DNAJC1: variants seen among roughly 807,000 people sequenced by gnomAD.
DNAJC1 encodes the protein DnaJ heat shock protein family (Hsp40) member C1.
In DNAJC1, 58 loss-of-function variants were observed where a neutral mutation model predicts 76.6. That is an observed-to-expected ratio of 0.76 (90% CI 0.61 to 0.94). DNAJC1 has a LOEUF of 0.94. Ranked by LOEUF, DNAJC1 falls within the 40% of genes least tolerant of loss-of-function variation. The pLI is 0.00. For synonymous variants in DNAJC1, 258 were observed against 267.9 expected (o/e 0.96, Z 0.36); for missense variants, 689 against 677.3 (o/e 1.02, Z -0.19).
chr10:21,766,659 G>A (rs1381069381), intron 9 of DNAJC1, among the ~76,000 whole-genome samples: 1 of 151,702 alleles, frequency 6.6e-6, no homozygotes, highest in Non-Finnish European at 1.5e-5. Context: ...TGCACAACGG[G>A]GGCTGCCTCT....
intron 1 of DNAJC1, among the ~76,000 whole-genome samples, chr10:21,972,625 C>T (rs1361404824): frequency 1.3e-5 from 2 of 151,994 alleles, no homozygotes; most frequent in Admixed American, 6.5e-5. Context: ...TTAAGAGTAA[C>T]ACTGGTTGTT....
intron 6 of DNAJC1, among the ~76,000 whole-genome samples, chr10:21,906,057 G>T (rs1283292574): frequency 2.6e-5 from 4 of 151,970 alleles, no homozygotes; most frequent in African/African-American, 9.7e-5. Context: ...GTGTCTCTTG[G>T]GGTTCTATCA....
At chr10:21,957,623 T>G (rs2131814325) in intron 1 of DNAJC1, among the ~76,000 whole-genome samples, 1 of 152,326 alleles carries the variant, frequency 6.6e-6, no homozygotes, top group Middle Eastern at 3.4e-3. Context: ...CTTTCTTCTC[T>G]ATCACCACGG....
chr10:21,935,110 G>A (rs1408979335), intron 1 of DNAJC1, among the ~76,000 whole-genome samples: 1 of 152,010 alleles, frequency 6.6e-6, no homozygotes, highest in African/African-American at 2.4e-5. Flanking sequence ...AAACAGGAAA[G>A]TATGGTCTTC....
chr10:21,854,516 T>C (rs1232836252), intron 8 of DNAJC1, among the ~76,000 whole-genome samples: 1 of 152,140 alleles, frequency 6.6e-6, no homozygotes, highest in African/African-American at 2.4e-5. Context: ...CTGTTTTACA[T>C]AATGTCATAT....
chr10:21,901,859 TAAG>T (rs1251944724), intron 7 of DNAJC1, among the ~76,000 whole-genome samples: 1 of 152,188 alleles, frequency 6.6e-6, no homozygotes, highest in Non-Finnish European at 1.5e-5. Flanking sequence ...TCTTTAAAAT[TAAG>T]AAGGATGGGG....
At chr10:21,833,752 T>G (rs1326890577) in intron 8 of DNAJC1, among the ~76,000 whole-genome samples, 1 of 152,178 alleles carries the variant, frequency 6.6e-6, no homozygotes, top group Non-Finnish European at 1.5e-5. Context: ...AAATTCAGTA[T>G]GTCTTATTTA....
At chr10:21,787,597 C>T (rs1834628797) in intron 9 of DNAJC1, among the ~76,000 whole-genome samples, 1 of 152,122 alleles carries the variant, frequency 6.6e-6, no homozygotes, top group Admixed American at 6.5e-5. Flanking sequence ...TAACAGCAAC[C>T]CTGGTGAGTG....
At chr10:21,799,883 T>C (rs979374038) in intron 9 of DNAJC1, among the ~76,000 whole-genome samples, 3 of 152,190 alleles carry the variant, frequency 2.0e-5, no homozygotes, top group African/African-American at 7.2e-5. Context: ...CCCTGAGCAC[T>C]GTGAAGGCAC....
intron 8 of DNAJC1, among the ~76,000 whole-genome samples, chr10:21,874,836 T>C (rs1182926939): frequency 1.3e-5 from 2 of 152,168 alleles, no homozygotes; most frequent in African/African-American, 2.4e-5. Context: ...ATAGCACACA[T>C]CATATTTAAT....
At chr10:21,903,833 T>A (rs1836699786) in intron 7 of DNAJC1, among the ~76,000 whole-genome samples, 1 of 151,988 alleles carries the variant, frequency 6.6e-6, no homozygotes, top group Non-Finnish European at 1.5e-5. Flanking sequence ...GGAAATCAGA[T>A]GGTAAACAAA....
chr10:21,871,458 G>A (rs1160454305), intron 8 of DNAJC1, among the ~76,000 whole-genome samples: 1 of 151,606 alleles, frequency 6.6e-6, no homozygotes, highest in Non-Finnish European at 1.5e-5. Flanking sequence ...ATTATTAGCT[G>A]ATTACCCAGC....
intron 1 of DNAJC1, among the ~76,000 whole-genome samples, chr10:21,980,472 G>A (rs1247712854): frequency 6.6e-6 from 1 of 151,854 alleles, no homozygotes; most frequent in East Asian, 1.9e-4. Flanking sequence ...CCAAACTGTG[G>A]GACACTTTAA....
chr10:21,852,966 T>A (rs138383983), intron 8 of DNAJC1, among the ~76,000 whole-genome samples: 1 of 152,304 alleles, frequency 6.6e-6, no homozygotes, highest in Non-Finnish European at 1.5e-5. Flanking sequence ...GAATTTTATT[T>A]CTGCATCAAT....
intron 1 of DNAJC1, among the ~76,000 whole-genome samples, chr10:21,968,414 T>C (rs1322036484): frequency 1.3e-5 from 2 of 152,182 alleles, no homozygotes; most frequent in African/African-American, 4.8e-5. Flanking sequence ...AAAATTGGTA[T>C]TACGGCAACC....
intron 1 of DNAJC1, among the ~76,000 whole-genome samples, chr10:21,958,490 G>C (rs1035621845): frequency 2.7e-5 from 4 of 150,920 alleles, no homozygotes; most frequent in Non-Finnish European, 5.9e-5. Context: ...GTGCAGTGGC[G>C]CGATCTCGGT....
chr10:21,809,404 A>G (rs1379784215), intron 8 of DNAJC1, among the ~76,000 whole-genome samples: 2 of 151,796 alleles, frequency 1.3e-5, no homozygotes, highest in Non-Finnish European at 2.9e-5. Flanking sequence ...TAAATACAGA[A>G]GCTAAAATTT....
chr10:21,987,450 G>A (rs1451512023), intron 1 of DNAJC1, among the ~76,000 whole-genome samples: 5 of 152,134 alleles, frequency 3.3e-5, no homozygotes, highest in Non-Finnish European at 5.9e-5. Context: ...ACAAAGATTA[G>A]AGGCACTAAA....
chr10:21,822,841 C>A (rs1835183296), intron 8 of DNAJC1, among the ~76,000 whole-genome samples: 1 of 151,394 alleles, frequency 6.6e-6, no homozygotes, highest in African/African-American at 2.4e-5. Flanking sequence ...TTCTAAAGAT[C>A]AGGATAAGTG....
Sources: gnomAD v4.1 joint callset for allele counts (sites outside exome capture counted in the v4.1 genomes callset) on GRCh38, gnomAD v4.1.1 for gene constraint, MANE v1.5 for transcripts, NCBI Gene and HGNC (gene_info 2026-07-23, HGNC 2026-07-21) for gene names.